The following POMGNT1 variants were observed in gnomAD, a reference collection of about 807,000 sequenced individuals.
POMGNT1 encodes the protein protein O-linked mannose N-acetylglucosaminyltransferase 1 (beta 1,2-), also known as protein O-linked-mannose beta-1,2-N-acetylglucosaminyltransferase 1.
A neutral mutation model predicts 95.6 loss-of-function variants in POMGNT1; 67 were observed. The observed-to-expected ratio is 0.70, with a 90% CI of 0.58 to 0.86. The LOEUF is 0.86. POMGNT1 is among the 40% of genes least tolerant of loss of function. POMGNT1 has a pLI of 0.00. For missense variants in POMGNT1, 719 were observed against 855.2 expected (o/e 0.84, Z 1.99); for synonymous variants, 298 against 317.9 (o/e 0.94, Z 0.66).
At chr1:46,194,172 C>T (rs1191393831) in intron 9 of POMGNT1, 102 bp downstream of exon 9, 1 of 1,602,644 alleles carries the variant, frequency 6.2e-7, no homozygotes, top group African/African-American at 1.3e-5. Flanking sequence ...CCCTGGTTCT[C>T]TCCCAGGCTC....
intron 2 of POMGNT1, 113 bp downstream of exon 2, chr1:46,197,589 C>G (rs1009251584): frequency 4.5e-5 from 71 of 1,574,192 alleles, no homozygotes; most frequent in Non-Finnish European, 5.8e-5. Flanking sequence ...CCTCTAGGAA[C>G]CTGCTGCCCC....
chr1:46,193,451 C>T (rs1165062408), intron 11 of POMGNT1, 63 bp from the exon 12 acceptor site: 1 of 1,606,140 alleles, frequency 6.2e-7, no homozygotes, highest in Non-Finnish European at 8.5e-7. Context: ...CTCTGCAATC[C>T]AAGGCCTTCA....
Position 46,190,477 on chromosome 1 carries a change from G to A in POMGNT1, c.1645C>T (p.Leu549Phe), listed in dbSNP as rs747147491. Residue 549 changes from leucine to phenylalanine, a missense_variant, in exon 19 of 22, where the codon CTC (leucine) becomes TTC (phenylalanine). Leu to Phe is a conservative substitution (Grantham distance 22). Transcript: ENST00000371984. Reference sequence around the variant, plus strand: ...CCCAATTGTCCTAGGCCATACCTGAGCAGCCTGTGAACTTCCACTTCATAA... The same window carrying A: ...CCCAATTGTCCTAGGCCATACCTGAACAGCCTGTGAACTTCCACTTCATAA... ...EAYEVEVHRLLSEAEVLDHSK... is the reference protein window; with the variant it reads ...EAYEVEVHRLFSEAEVLDHSK... The A allele has an allele frequency of 3.1e-6, 5 of 1,600,048 alleles. No individual in the cohort carries two copies. The East Asian group carries it at 8.9e-5, about 29-fold the overall frequency.
At chr1:46,212,563 G>A (rs1464311702) in intron 1 of POMGNT1, among the ~76,000 whole-genome samples, 1 of 151,560 alleles carries the variant, frequency 6.6e-6, no homozygotes, top group Non-Finnish European at 1.5e-5. Flanking sequence ...TTACAGGCGT[G>A]AGCCACTGCA....
chr1:46,193,149 C>T, intron 13 of POMGNT1, 25 bp downstream of exon 13: 1 of 1,614,056 alleles, frequency 6.2e-7, no homozygotes, highest in Non-Finnish European at 8.5e-7. Flanking sequence ...CTCCCAGGCC[C>T]AAGAGTTGTA....
rs1226108463 is a variant in POMGNT1 at position 46,192,378 on chromosome 1, C to T, written c.1343G>A (p.Gly448Glu). The T allele has an allele frequency of 5.6e-6, 9 of 1,614,086 alleles. No individual in the cohort carries two copies. The highest frequency in any genetic ancestry group is 2.2e-5 in the East Asian group (1 of 44,896). ...ALLYRVETMP[G>E]LGWVLRRSLY... ...GGACCTCCTGAGCACCCAGCCCAGC[C>T]CAGGCATGGTCTCCACACGGTACAG... Residue 448 changes from glycine (G) to glutamate (E), a missense_variant, in exon 16 of 22, where the codon GGG becomes GAG. Around this residue, in one of 5 missense-constraint regions of POMGNT1, gnomAD observed 118 missense variants for 153.6 expected, o/e 0.77. Coordinates refer to ENST00000371984, the MANE Select transcript of POMGNT1 (RefSeq NM_017739.4).
At chr1:46,197,569 A>C in intron 2 of POMGNT1, 133 bp downstream of exon 2, 1 of 1,563,376 alleles carries the variant, frequency 6.4e-7, no homozygotes, top group East Asian at 2.2e-5. Flanking sequence ...CATGACACAT[A>C]GAGGTCTCCC....
chr1:46,205,661 AC>A (rs1229001080), intron 1 of POMGNT1, among the ~76,000 whole-genome samples: 2 of 152,142 alleles, frequency 1.3e-5, no homozygotes, highest in African/African-American at 4.8e-5. Context: ...TGTATTCTTG[AC>A]CCAGCTTGCC....
At chr1:46,205,910 C>T (rs774369849) in intron 1 of POMGNT1, among the ~76,000 whole-genome samples, 4 of 152,228 alleles carry the variant, frequency 2.6e-5, no homozygotes, top group Admixed American at 6.5e-5. Context: ...AAGGACTGTC[C>T]TTCAATTGTT....
chr1:46,190,775 A>G lies in POMGNT1; in HGVS notation c.1549T>C (p.Phe517Leu). The G allele has an allele frequency of 6.2e-7, 1 of 1,613,400 alleles. No individual in the cohort carries two copies. The highest frequency in any genetic ancestry group is 8.5e-7 in the Non-Finnish European group (1 of 1,179,348). The change falls in exon 18 of 22, where the codon TTC becomes CTC. Residue 517 changes from phenylalanine (F) to leucine (L), a missense_variant. Around this residue, in one of 5 missense-constraint regions of POMGNT1, gnomAD observed 118 missense variants for 153.6 expected, o/e 0.77. Coordinates refer to ENST00000371984, the MANE Select transcript of POMGNT1 (RefSeq NM_017739.4). ...ACCGTGTTGAACTTGTGCTTCTTGA[A>G]GTAGGCCTCCTGGAGTGGGTATGAG... ...NMNGYFHEAY[F>L]KKHKFNTVPG...
rs770853901 is a variant in POMGNT1, at chr1:46,197,683, G to A, written c.120+19C>T. The A allele has an allele frequency of 1.2e-6, 2 of 1,614,006 alleles. No individual in the cohort carries two copies. The highest frequency in any genetic ancestry group is 1.7e-6 in the Non-Finnish European group (2 of 1,179,920). On this transcript the variant is annotated intron_variant, in intron 2 of 21. Coordinates refer to ENST00000371984, the MANE Select transcript of POMGNT1 (RefSeq NM_017739.4). ...TGGGAGGGAGCGCTCGGTGGGGAGGGTTTGGGACATCTCTATACCTGACAG... is the reference window on the plus strand; with the variant it reads ...TGGGAGGGAGCGCTCGGTGGGGAGGATTTGGGACATCTCTATACCTGACAG...
upstream of POMGNT1, among the ~76,000 whole-genome samples, chr1:46,203,093 G>A (rs955689765): frequency 6.6e-6 from 1 of 152,066 alleles, no homozygotes; most frequent in Non-Finnish European, 1.5e-5. Context: ...ACTTCATTCT[G>A]CAAACATGTA....
chr1:46,194,254 T>A lies in POMGNT1; in HGVS notation c.879+20A>T. The stretch of plus-strand genomic sequence containing the variant: ...AGCTGGGAAGGAGTCCAAACCTCAC[T>A]GTCTTAAGGCCCCACTCACTGGGTC... On this transcript the variant is annotated intron_variant, in intron 9 of 21. Coordinates refer to ENST00000371984, the MANE Select transcript of POMGNT1 (RefSeq NM_017739.4). 6.2e-7 allele frequency: 1 copy of A among 1,614,130 alleles called. No homozygotes were observed. The highest frequency in any genetic ancestry group is 8.5e-7 in the Non-Finnish European group (1 of 1,179,996).
upstream of POMGNT1, among the ~76,000 whole-genome samples, chr1:46,202,884 C>T (rs957325838): frequency 1.7e-5 from 2 of 115,142 alleles, no homozygotes; most frequent in Non-Finnish European, 3.3e-5. Flanking sequence ...TTTTCTACTC[C>T]GTTAGCCTGA....
Position 46,195,891 on chromosome 1 carries a change from A to C in POMGNT1, c.454T>G (p.Tyr152Asp). The part of the protein sequence containing the change: ...HVMAKRVFDT[Y>D]SPHEDEAMVL... ...ATGGCCTCATCCTCATGAGGTGAGTACGTGTCAAACACACGTTTTGCCATC... is the reference window on the plus strand; with the variant it reads ...ATGGCCTCATCCTCATGAGGTGAGTCCGTGTCAAACACACGTTTTGCCATC... Residue 152 changes from tyrosine to aspartate, a missense_variant, in exon 6 of 22, where the codon TAC becomes GAC. Tyr to Asp is a radical substitution (Grantham distance 160). Coordinates refer to ENST00000371984, the MANE Select transcript of POMGNT1 (RefSeq NM_017739.4). The C allele has an allele frequency of 6.2e-7, 1 of 1,613,800 alleles. No individual in the cohort carries two copies.
chr1:46,211,549 G>T (rs1344426144), intron 1 of POMGNT1, among the ~76,000 whole-genome samples: 2 of 151,380 alleles, frequency 1.3e-5, no homozygotes, highest in Non-Finnish European at 2.9e-5. Flanking sequence ...ACCATTTATT[G>T]ATTTACAGTA....
intron 10 of POMGNT1, 23 bp downstream of exon 10, chr1:46,193,832 G>C: frequency 6.2e-7 from 1 of 1,613,582 alleles, no homozygotes; most frequent in Non-Finnish European, 8.5e-7. Flanking sequence ...TCAGTGCTGG[G>C]TATAGCCCAT....
intron 1 of POMGNT1, among the ~76,000 whole-genome samples, chr1:46,204,329 C>G (rs1351242213): frequency 6.6e-6 from 1 of 152,164 alleles, no homozygotes; most frequent in East Asian, 1.9e-4. Context: ...AACAGCAACC[C>G]TCCCCTTTCT....
At chr1:46,194,058 T>C in intron 9 of POMGNT1, 133 bp from the exon 10 acceptor site, 1 of 1,544,808 alleles carries the variant, frequency 6.5e-7, no homozygotes, top group East Asian at 2.4e-5. Flanking sequence ...TCTTCCCTGT[T>C]CTGGGCTCTC....
Sources: allele counts gnomAD v4.1 joint callset (sites outside exome capture counted in the v4.1 genomes callset), GRCh38; gene constraint gnomAD v4.1.1; regional missense constraint gnomAD v4.1.1; transcripts MANE v1.5; gene names NCBI Gene and HGNC (gene_info 2026-07-23, HGNC 2026-07-21).